Variants in SOX5 observed in about 807,000 individuals in gnomAD.
SOX5 encodes SRY-box transcription factor 5, also known as transcription factor SOX-5.
SOX5 carries 9 observed loss-of-function variants against 92.0 expected under a neutral mutation model. The ratio of observed to expected loss-of-function variants is 0.10; its 90% CI spans 0.06 to 0.17. SOX5 has a LOEUF of 0.17. SOX5 is among the 10% of genes least tolerant of loss of function. The pLI is 1.00. For missense variants in SOX5, 642 were observed against 944.5 expected, an observed-to-expected ratio of 0.68 and a Z score of 4.20; for synonymous variants, 344 against 336.3, an observed-to-expected ratio of 1.02 and a Z score of -0.25.
intron 1 of SOX5, among the ~76,000 whole-genome samples, chr12:24,557,446 A>G (rs1343771567): frequency 6.6e-6 from 1 of 151,948 alleles, no homozygotes; most frequent in African/African-American, 2.4e-5. Flanking sequence ...AGGTTAAGAA[A>G]AAAAAGGAGG....
chr12:24,152,274 G>A (rs12321751), intron 4 of SOX5, among the ~76,000 whole-genome samples: 10 of 152,212 alleles, frequency 6.6e-5, no homozygotes, highest in South Asian at 4.1e-4. Context: ...CATTTCACAC[G>A]TCATTGATTA....
At chr12:23,837,264 A>T (rs1282823042) in intron 3 of SOX5, among the ~76,000 whole-genome samples, 9 of 75,222 alleles carry the variant, frequency 1.2e-4, no homozygotes, top group African/African-American at 2.6e-4. Flanking sequence ...TATTTATATA[A>T]TATATAATAT....
At chr12:23,583,386 CCA>C (rs562720047) in intron 9 of SOX5, among the ~76,000 whole-genome samples, 8 of 152,056 alleles carry the variant, frequency 5.3e-5, no homozygotes, top group Non-Finnish European at 1.2e-4. Context: ...CATAGAAATT[CCA>C]CAGAGTAAGC....
At chr12:23,785,842 C>A (rs2095367628) in intron 3 of SOX5, among the ~76,000 whole-genome samples, 1 of 152,100 alleles carries the variant, frequency 6.6e-6, no homozygotes, top group Non-Finnish European at 1.5e-5. Flanking sequence ...TCTATTTAGT[C>A]TCTCAAAGTA....
At position 24,393,997 on chromosome 12, in the gene SOX5, A is replaced by G. The variant is rs952446974; in HGVS notation, c.-250-25358T>C. Among the ~76,000 whole-genome samples, 1 of 152,206 alleles carries G rather than the reference A, an allele frequency of 6.6e-6. No individual in the cohort carries two copies. The highest frequency in any genetic ancestry group is 1.5e-5 in the Non-Finnish European group (1 of 68,038). On this transcript the variant is annotated intron_variant, in intron 1 of 4. Transcript: ENST00000446891. The surrounding 1 kb of genome is among the most constrained non-coding windows in gnomAD (Gnocchi z 5.0). Reference sequence around the variant, plus strand: ...GAGTGGCTGAAGAACACACAATAGCATTCAGAACAGAGACCTGACCACACT... The same window carrying G: ...GAGTGGCTGAAGAACACACAATAGCGTTCAGAACAGAGACCTGACCACACT...
intron 8 of SOX5, among the ~76,000 whole-genome samples, chr12:23,632,974 TTTAA>T (rs1424062869): frequency 2.6e-5 from 4 of 152,132 alleles, no homozygotes; most frequent in Admixed American, 2.0e-4. Context: ...ATTTTAAAAG[TTTAA>T]TTAAGTCAAT....
intron 2 of SOX5, among the ~76,000 whole-genome samples, chr12:24,310,503 C>T (rs1949064740): frequency 6.6e-6 from 1 of 152,072 alleles, no homozygotes; most frequent in Admixed American, 6.5e-5. Context: ...TCAGCCTATC[C>T]CTGTCCCCAG....
At chr12:23,868,889 C>T (rs571717646) in intron 2 of SOX5, among the ~76,000 whole-genome samples, 182 of 152,266 alleles carry the variant, frequency 1.2e-3, no homozygotes, top group African/African-American at 4.2e-3. Flanking sequence ...CTCCAAACCT[C>T]TTATGACTCC....
In SOX5 at chr12:23,563,320, C is replaced by T. The variant is rs1217836168; in HGVS notation, c.1426G>A (p.Val476Met). Residue 476 changes from valine to methionine, a missense_variant, in exon 11 of 15, where the codon GTG (valine) becomes ATG (methionine). Physicochemically the swap from Val to Met is conservative, Grantham distance 21. Transcript: ENST00000451604. ...MKEQLRREQQVLDGKVAVVNS... is the reference protein window; with the variant it reads ...MKEQLRREQQMLDGKVAVVNS... ...ACAACAGCCACCTTCCCATCAAGCA[C>T]CTGTTGTTCCCGTCGGAGTTGCTCC... 6.2e-7 allele frequency: 1 copy of T among 1,614,046 alleles called. No homozygotes were observed. The highest frequency in any genetic ancestry group is 1.1e-5 in the South Asian group (1 of 91,084).
In SOX5 at chr12:23,759,010, AACAC is replaced by A. The variant is rs761303900; in HGVS notation, c.482-3290_482-3287del. Among the ~76,000 whole-genome samples the A allele has an allele frequency of 5.9e-3, 641 of 108,502 alleles. 4 individuals are homozygous for A. The highest frequency in any genetic ancestry group is 0.02 in the African/African-American group (595 of 30,276). The allele number at this position is 108,502 out of a possible 152,430, so 71.2% of individuals were successfully genotyped here. On this transcript the variant is annotated intron_variant, in intron 3 of 14. Transcript: ENST00000451604. ...GTGTTATTCTGTTATGGCAACACAA[AACAC>A]ACACACACACACACAGACACACACA...
At chr12:23,775,188 T>C (rs918203617) in intron 3 of SOX5, among the ~76,000 whole-genome samples, 3 of 152,236 alleles carry the variant, frequency 2.0e-5, no homozygotes, top group African/African-American at 7.2e-5. Context: ...TCCTTTTCCC[T>C]ATCTTGTACA....
At chr12:23,772,197 A>G (rs1337683641) in intron 3 of SOX5, among the ~76,000 whole-genome samples, 1 of 152,266 alleles carries the variant, frequency 6.6e-6, no homozygotes, top group Non-Finnish European at 1.5e-5. Flanking sequence ...TAGAAATATC[A>G]GGTAGCTGTG....
intron 4 of SOX5, among the ~76,000 whole-genome samples, chr12:24,138,777 A>G (rs1169818681): frequency 6.6e-6 from 1 of 152,170 alleles, no homozygotes; most frequent in Non-Finnish European, 1.5e-5. Context: ...AGACATAAAA[A>G]TTTCTCTCAT....
At chr12:23,803,082 A>G (rs2095693362) in intron 3 of SOX5, among the ~76,000 whole-genome samples, 1 of 152,158 alleles carries the variant, frequency 6.6e-6, no homozygotes, top group Admixed American at 6.5e-5. Context: ...TAGCTTCTCT[A>G]CAAGATTCCA....
chr12:24,385,017 TGAGAGA>T (rs144729275), intron 1 of SOX5, among the ~76,000 whole-genome samples: 22 of 150,614 alleles, frequency 1.5e-4, no homozygotes, highest in South Asian at 6.3e-4. Flanking sequence ...TAAGATATTT[TGAGAGA>T]GAGAGAGAGA....
At chr12:24,124,955 C>T (rs538510078) in intron 4 of SOX5, among the ~76,000 whole-genome samples, 1 of 152,242 alleles carries the variant, frequency 6.6e-6, no homozygotes, top group African/African-American at 2.4e-5. Flanking sequence ...TAGATTTCCT[C>T]AAACTCTAAG....
chr12:23,536,869 A>ATT (rs797007055), intron 13 of SOX5, among the ~76,000 whole-genome samples, 200 bp from the exon 14 acceptor site: 10 of 146,974 alleles, frequency 6.8e-5, no homozygotes, highest in Non-Finnish European at 1.5e-4. Flanking sequence ...ACTGGGCAGT[A>ATT]TTTTTTTTTT....
chr12:24,462,911 T>A (rs1943803821), intron 1 of SOX5, among the ~76,000 whole-genome samples: 1 of 152,194 alleles, frequency 6.6e-6, no homozygotes. Flanking sequence ...GACTACTGCA[T>A]TATACATTTC....
At chr12:24,328,516 G>T (rs1950957288) in intron 2 of SOX5, among the ~76,000 whole-genome samples, 1 of 152,120 alleles carries the variant, frequency 6.6e-6, no homozygotes, top group South Asian at 2.1e-4. Context: ...GTGAGAAAGT[G>T]GGTAATTTTT....
Sources: allele counts gnomAD v4.1 joint callset (sites outside exome capture counted in the v4.1 genomes callset), GRCh38; gene constraint gnomAD v4.1.1; non-coding constraint Gnocchi (gnomAD v3.1); transcripts MANE v1.5; gene names NCBI Gene and HGNC (gene_info 2026-07-23, HGNC 2026-07-21).